Variants in RXFP2 observed in about 807,000 individuals in gnomAD.
RXFP2 encodes the protein relaxin family peptide receptor 2, also known as relaxin receptor 2.
RXFP2 carries 68 observed loss-of-function variants against 88.6 expected under a neutral mutation model. The observed-to-expected ratio is 0.77, with a 90% CI of 0.63 to 0.94. The LOEUF (loss-of-function observed/expected upper bound fraction) is 0.94, where lower values mean the gene tolerates loss of function less well. Among genes scored for constraint, RXFP2 ranks in the 40% least tolerant of loss-of-function variants. RXFP2 has a pLI of 0.00. For synonymous variants in RXFP2, 329 were observed against 306.8 expected, an observed-to-expected ratio of 1.07 and a Z score of -0.76; for missense variants, 791 against 893.9, an observed-to-expected ratio of 0.88 and a Z score of 1.47.
chr13:31,798,918 C>T (rs1428749752), intron 17 of RXFP2, among the ~76,000 whole-genome samples: 1 of 152,138 alleles, frequency 6.6e-6, no homozygotes, highest in African/African-American at 2.4e-5. Context: ...CTCTTCTCAC[C>T]CCACTTTCAT....
At chr13:31,769,907 T>C (rs1164959383) in intron 5 of RXFP2, among the ~76,000 whole-genome samples, 1 of 152,202 alleles carries the variant, frequency 6.6e-6, no homozygotes, top group Non-Finnish European at 1.5e-5. Flanking sequence ...CATAATTATG[T>C]CATCTGCAAA....
intron 17 of RXFP2, 52 bp downstream of exon 17, chr13:31,797,471 C>T: frequency 7.5e-7 from 1 of 1,329,116 alleles, no homozygotes; most frequent in South Asian, 1.2e-5. Context: ...TTCTTACGTC[C>T]TTCTTTTGAC....
chr13:31,766,521 C>A (rs1420088698), intron 5 of RXFP2, among the ~76,000 whole-genome samples: 2 of 152,082 alleles, frequency 1.3e-5, no homozygotes, highest in East Asian at 3.8e-4. Flanking sequence ...AGGATATGAT[C>A]AGCAGAGAAG....
chr13:31,758,582 G>T (rs1048182631), intron 2 of RXFP2, among the ~76,000 whole-genome samples, 178 bp downstream of exon 2: 4 of 152,118 alleles, frequency 2.6e-5, no homozygotes, highest in Admixed American at 2.0e-4. Flanking sequence ...CTGAATTTTT[G>T]TAGGTACAGG....
chr13:31,758,297 G>A lies in RXFP2; in HGVS notation c.134G>A (p.Cys45Tyr). Residue 45 changes from cysteine to tyrosine, a missense_variant, in exon 2 of 18, where the codon TGC becomes TAC. Coordinates refer to ENST00000298386, the MANE Select transcript of RXFP2 (RefSeq NM_130806.5). ...LTQGSMITPS[C>Y]QKGYFPCGNL... ...CAAGGTAGCATGATCACTCCTTCATGCCAAAAAGGATATTTTCCCTGTGGG... is the reference window on the plus strand; with the variant it reads ...CAAGGTAGCATGATCACTCCTTCATACCAAAAAGGATATTTTCCCTGTGGG... 6.2e-7 allele frequency: 1 copy of A among 1,614,018 alleles called. No individual in the cohort carries two copies. Among genetic ancestry groups the A allele is most frequent in the South Asian group, 1.1e-5 (1 of 91,068 alleles).
At chr13:31,795,202 T>G (rs1021035230) in intron 16 of RXFP2, among the ~76,000 whole-genome samples, 2 of 151,126 alleles carry the variant, frequency 1.3e-5, no homozygotes, top group Admixed American at 6.6e-5. Context: ...CAGGCTGGAG[T>G]GCAGTAGCGC....
At chr13:31,743,107 C>T (rs1277432840) in intron 1 of RXFP2, among the ~76,000 whole-genome samples, 3 of 152,030 alleles carry the variant, frequency 2.0e-5, no homozygotes, top group African/African-American at 7.3e-5. Context: ...AAAAGTGCTC[C>T]GAAGCGAAAA....
Position 31,739,708 on chromosome 13 carries a change from TA to T in RXFP2, c.94+4del. ...TCATCGTTCTGATCAATGTCAAAGG[TA>T]AGGTTGCTACTTTCTCGTTTTAAAT... is the stretch of plus-strand genomic sequence containing the variant. On this transcript the variant is annotated splice_donor_region_variant and intron_variant, in intron 1 of 17. Transcript: ENST00000298386. The T allele has an allele frequency of 1.3e-6, 2 of 1,578,724 alleles. No individual in the cohort carries two copies. The highest frequency in any genetic ancestry group is 1.7e-6 in the Non-Finnish European group (2 of 1,147,940).
intron 1 of RXFP2, among the ~76,000 whole-genome samples, chr13:31,746,820 C>G (rs1566212172): frequency 7.9e-6 from 1 of 126,962 alleles, no homozygotes; most frequent in Non-Finnish European, 1.7e-5. Context: ...TCATGTAAAC[C>G]CATGGTATAT....
chr13:31,761,594 T>A (rs1872305129), intron 2 of RXFP2, 130 bp from the exon 3 acceptor site: 1 of 667,886 alleles, frequency 1.5e-6, no homozygotes, highest in African/African-American at 1.8e-5. Flanking sequence ...TCTCTTACTA[T>A]GTATTTAAAA....
intron 3 of RXFP2, 66 bp from the exon 4 acceptor site, chr13:31,764,971 T>C (rs1872480969): frequency 4.5e-6 from 4 of 885,076 alleles, no homozygotes; most frequent in Non-Finnish European, 7.6e-6. Flanking sequence ...ATATCAGTTA[T>C]TAAAGGCAAA....
intron 1 of RXFP2, among the ~76,000 whole-genome samples, chr13:31,743,200 C>A (rs994381284): frequency 6.6e-5 from 10 of 152,126 alleles, no homozygotes; most frequent in African/African-American, 2.4e-4. Context: ...TGAGGCCATA[C>A]GCAGTGGCTC....
intron 9 of RXFP2, among the ~76,000 whole-genome samples, chr13:31,779,375 C>G (rs1169997338): frequency 6.6e-6 from 1 of 152,090 alleles, no homozygotes; most frequent in Non-Finnish European, 1.5e-5. Context: ...ATCCACCCTC[C>G]TCAGTGCTTA....
intron 1 of RXFP2, among the ~76,000 whole-genome samples, chr13:31,743,550 A>G (rs1460747136): frequency 6.6e-6 from 1 of 152,012 alleles, no homozygotes; most frequent in Admixed American, 6.6e-5. Flanking sequence ...AACATGTTCA[A>G]TGTGATTGAT....
chr13:31,761,101 C>T (rs761430652), intron 2 of RXFP2, among the ~76,000 whole-genome samples: 12 of 151,902 alleles, frequency 7.9e-5, no homozygotes, highest in Middle Eastern at 3.4e-3. Flanking sequence ...ACTACAGGTG[C>T]GCACCACCAC....
chr13:31,775,403 T>C lies in RXFP2; in HGVS notation c.641+14T>C. ...GCTAACTTGGCTGTAAGTACTCTAA[T>C]TCTTCTTTCTCCCATAGAGGATCAT... On this transcript the variant is annotated intron_variant, in intron 7 of 17. Coordinates refer to ENST00000298386, the MANE Select transcript of RXFP2 (RefSeq NM_130806.5). 2 of 1,564,760 alleles carry C rather than the reference T, an allele frequency of 1.3e-6. No homozygotes were observed. The highest frequency in any genetic ancestry group is 2.2e-5 in the South Asian group (2 of 90,058).
In RXFP2 at chr13:31,777,525, T is replaced by TA. The variant is rs1873047802; in HGVS notation, c.713+78_713+79insA. ...TAGCACTAGCTTACAAAAAGAACTT[T>TA]TAAAAAAATCAAGCCCACAAAAATT... is the stretch of plus-strand genomic sequence containing the variant. On this transcript the variant is annotated intron_variant, in intron 8 of 17. Transcript: ENST00000298386. 5.3e-6 allele frequency: 6 copies of TA among 1,141,130 alleles called. No individual in the cohort carries two copies. The Admixed American group carries it at 1.3e-4, about 25-fold the overall frequency. The allele number at this position is 1,141,130 out of a possible 1,614,324, so 70.7% of individuals were successfully genotyped here.
chr13:31,753,935 T>C (rs937623888), intron 1 of RXFP2, among the ~76,000 whole-genome samples: 3 of 152,186 alleles, frequency 2.0e-5, no homozygotes, highest in Admixed American at 1.3e-4. Flanking sequence ...GGGGAATACA[T>C]TGTATTCATT....
chr13:31,785,749 A>T (rs2146286), intron 11 of RXFP2, among the ~76,000 whole-genome samples: 52,246 of 151,846 alleles, frequency 0.34, 9,252 homozygotes, highest in East Asian at 0.5. Context: ...ACTCTTAAAG[A>T]TTCATTTCTT....
Sources: allele counts gnomAD v4.1 joint callset (sites outside exome capture counted in the v4.1 genomes callset), GRCh38; gene constraint gnomAD v4.1.1; transcripts MANE v1.5; gene names NCBI Gene and HGNC (gene_info 2026-07-23, HGNC 2026-07-21).